PCDHGB2: variants seen among roughly 807,000 people sequenced by gnomAD.
The protein encoded by PCDHGB2 is protocadherin gamma subfamily B, 2.
In PCDHGB2, 55 loss-of-function variants were observed where a neutral mutation model predicts 59.3. The observed-to-expected ratio is 0.93, with a 90% CI of 0.75 to 1.16. PCDHGB2 has a LOEUF of 1.16. Among genes scored for constraint, PCDHGB2 ranks in the 50% most tolerant of loss-of-function variants. The pLI is 0.00. For synonymous variants in PCDHGB2, 516 were observed against 512.0 expected (o/e 1.01, Z -0.11); for missense variants, 1,228 against 1,198.5 (o/e 1.02, Z -0.36).
chr5:141,427,793 G>C, intron 1 of PCDHGB2: 1 of 1,495,528 alleles, frequency 6.7e-7, no homozygotes, highest in Non-Finnish European at 9.2e-7. Flanking sequence ...CGTCCTACGT[G>C]TCCGTGAGCG....
chr5:141,395,542 TTGTGTGTG>T (rs55729045), intron 1 of PCDHGB2: 8,424 of 171,616 alleles, frequency 0.049, 167 homozygotes, highest in African/African-American at 0.088. Context: ...TTGCTATTGT[TTGTGTGTG>T]TGTGTGTGTG....
chr5:141,374,718 T>A (rs1462422521), intron 1 of PCDHGB2: 6 of 1,609,996 alleles, frequency 3.7e-6, no homozygotes, highest in Non-Finnish European at 5.1e-6. Context: ...CGCCTGGTCC[T>A]TACTGCCATG....
intron 1 of PCDHGB2, chr5:141,422,628 C>A: frequency 6.2e-7 from 1 of 1,613,410 alleles, no homozygotes; most frequent in Non-Finnish European, 8.5e-7. Context: ...AAAACAACCC[C>A]AGGGGTGCCT....
chr5:141,421,811 T>A, intron 1 of PCDHGB2: 1 of 1,613,766 alleles, frequency 6.2e-7, no homozygotes, highest in Non-Finnish European at 8.5e-7. Flanking sequence ...AATCCAGAGC[T>A]AGTACTGGAG....
chr5:141,472,673 C>T (rs2099292538), intron 1 of PCDHGB2, among the ~76,000 whole-genome samples: 3 of 151,340 alleles, frequency 2.0e-5, no homozygotes, highest in Admixed American at 2.0e-4. Context: ...GTATACTGGT[C>T]CTTCCATTTC....
chr5:141,426,971 G>A, intron 1 of PCDHGB2: 1 of 456,732 alleles, frequency 2.2e-6, no homozygotes, highest in South Asian at 1.5e-5. Context: ...TTCAAATTGA[G>A]GTCACTGATG....
chr5:141,423,273 G>C, intron 1 of PCDHGB2: 2 of 1,613,896 alleles, frequency 1.2e-6, no homozygotes, highest in Non-Finnish European at 1.7e-6. Flanking sequence ...TCGAGTCTCT[G>C]GCTAACTCTG....
chr5:141,428,156 C>G, intron 1 of PCDHGB2: 2 of 1,579,884 alleles, frequency 1.3e-6, no homozygotes, highest in Non-Finnish European at 1.7e-6. Flanking sequence ...CGGGAACCTG[C>G]TGGTTGCTGT....
chr5:141,422,204 G>A lies in PCDHGB2; in HGVS notation c.2421+59648G>A, dbSNP rs185669562. On this transcript the variant is annotated intron_variant, in intron 1 of 3. Transcript: ENST00000522605. Reference sequence around the variant, plus strand: ...ATGGAAATTCAAGGCCAAGATGGTGGAGGTCTCTTTACCACCACGACGATG... The same window carrying A: ...ATGGAAATTCAAGGCCAAGATGGTGAAGGTCTCTTTACCACCACGACGATG... The A allele has an allele frequency of 1.7e-4, 269 of 1,562,138 alleles. No individual in the cohort carries two copies. The African/African-American group carries it at 3.6e-3, about 21-fold the overall frequency.
intron 1 of PCDHGB2, chr5:141,415,500 C>G (rs754684999): frequency 6.2e-6 from 10 of 1,614,074 alleles, no homozygotes; most frequent in Non-Finnish European, 8.5e-6. Context: ...TGATCTTCCC[C>G]CAGCCCAATT....
chr5:141,396,631 A>C lies in PCDHGB2; in HGVS notation c.2421+34075A>C, dbSNP rs1471198116. 7 of 152,348 alleles carry C rather than the reference A, an allele frequency of 4.6e-5. No homozygotes were observed. The South Asian group carries it at 6.2e-4, about 14-fold the overall frequency. 9.4% of individuals were successfully genotyped at this position (152,348 alleles called of 1,614,324 possible). On this transcript the variant is annotated intron_variant, in intron 1 of 3. Transcript: ENST00000522605. ...TGAGACTCCGTCTCAAAAAAAAAAAAAACTAATATTAATAGTAAAAACTCG... is the reference window on the plus strand; with the variant it reads ...TGAGACTCCGTCTCAAAAAAAAAAACAACTAATATTAATAGTAAAAACTCG...
At chr5:141,363,434 A>G (rs1040594076) in intron 1 of PCDHGB2, among the ~76,000 whole-genome samples, 4 of 152,234 alleles carry the variant, frequency 2.6e-5, no homozygotes, top group African/African-American at 9.6e-5. Flanking sequence ...CAACATAGAA[A>G]GGTCACTCAG....
Position 141,362,197 on chromosome 5 carries a change from C to G in PCDHGB2, c.2062C>G (p.Leu688Val). ...RREPSDPQAK[L>V]QFYLVVALAL... ...GGAGCCCTCTGACCCCCAGGCAAAA[C>G]TGCAGTTTTACCTGGTTGTGGCCTT... The change falls in exon 1 of 4, where the codon CTG (leucine) becomes GTG (valine). Residue 688 changes from leucine (L) to valine (V), a missense_variant. Leu to Val is a conservative substitution (Grantham distance 32, BLOSUM62 1). Around this residue, in one of 3 missense-constraint regions of PCDHGB2, gnomAD observed 433 missense variants for 441.8 expected, o/e 0.98. Transcript: ENST00000522605. The G allele has an allele frequency of 6.2e-7, 1 of 1,614,082 alleles. No individual in the cohort carries two copies. The highest frequency in any genetic ancestry group is 1.7e-5 in the Admixed American group (1 of 60,036).
chr5:141,394,325 T>G (rs563526295), intron 1 of PCDHGB2: 3 of 1,614,012 alleles, frequency 1.9e-6, no homozygotes, highest in South Asian at 2.2e-5. Flanking sequence ...TGTCCTCGTA[T>G]ATCTCCATCA....
intron 1 of PCDHGB2, chr5:141,441,516 C>T (rs1034274864): frequency 4.0e-5 from 7 of 173,082 alleles, no homozygotes; most frequent in Non-Finnish European, 8.7e-5. Flanking sequence ...ACGTCGTCCA[C>T]GTGGCCAAGA....
At chr5:141,393,301 G>A (rs1398078406) in intron 1 of PCDHGB2, 2 of 1,613,768 alleles carry the variant, frequency 1.2e-6, no homozygotes, top group Non-Finnish European at 1.7e-6. Context: ...CCGGATGTGG[G>A]CGTGAACTCC....
intron 1 of PCDHGB2, among the ~76,000 whole-genome samples, chr5:141,457,628 C>T (rs1210673176): frequency 6.6e-6 from 1 of 152,244 alleles, no homozygotes; most frequent in Non-Finnish European, 1.5e-5. Context: ...TAATCTTATA[C>T]TTGGCCTGAT....
rs1456176347 is a variant in PCDHGB2 at position 141,510,961 on chromosome 5, A to G, written c.2584A>G (p.Ser862Gly). 2 of 1,613,986 alleles carry G rather than the reference A, an allele frequency of 1.2e-6. No individual in the cohort carries two copies. Among genetic ancestry groups the G allele is most frequent in the Non-Finnish European group, 1.7e-6 (2 of 1,179,962 alleles). ...TGTCTCTGCAGAAGCTGCTGATGGG[A>G]GCTCCACCCTGGGAGGGGGTGCCGG... is the stretch of plus-strand genomic sequence containing the variant. Reference protein sequence around the residue: ...LASASEAADGSSTLGGGAGTM... With the variant: ...LASASEAADGGSTLGGGAGTM... Residue 862 changes from serine (S) to glycine (G), a missense_variant, in exon 4 of 4, where the codon AGC (serine) becomes GGC (glycine). Physicochemically the swap from Ser to Gly is moderately conservative, Grantham distance 56. Around this residue, in one of 3 missense-constraint regions of PCDHGB2, gnomAD observed 433 missense variants for 441.8 expected, o/e 0.98. Coordinates refer to ENST00000522605, the MANE Select transcript of PCDHGB2 (RefSeq NM_018923.3).
chr5:141,391,744 C>T (rs559357798), intron 1 of PCDHGB2: 1 of 152,230 alleles, frequency 6.6e-6, no homozygotes, highest in South Asian at 2.1e-4. Context: ...TCATACTTAT[C>T]CTTTGGCTTC....
Sources: gnomAD v4.1 joint callset for allele counts (sites outside exome capture counted in the v4.1 genomes callset) on GRCh38, gnomAD v4.1.1 for gene constraint, gnomAD v4.1.1 regional missense constraint, MANE v1.5 for transcripts, NCBI Gene and HGNC (gene_info 2026-07-23, HGNC 2026-07-21) for gene names.